BANK1: variants seen among roughly 807,000 people sequenced by gnomAD.
The protein encoded by BANK1 is B-cell scaffold protein with ankyrin repeats.
BANK1 carries 95 observed loss-of-function variants against 94.5 expected under a neutral mutation model. That is an observed-to-expected ratio of 1.00 (90% confidence interval 0.85 to 1.19). BANK1 has a LOEUF of 1.19. BANK1 is among the 50% of genes most tolerant of loss of function. BANK1 has a pLI of 0.00. For missense variants in BANK1, 987 were observed against 932.2 expected (o/e 1.06, Z -0.77); for synonymous variants, 334 against 308.4 (o/e 1.08, Z -0.87).
chr4:101,899,980 C>G, intron 6 of BANK1, among the ~76,000 whole-genome samples: 1 of 152,220 alleles, frequency 6.6e-6, no homozygotes, highest in South Asian at 2.1e-4. Flanking sequence ...CTCCACTTTT[C>G]AATGACCTTT....
chr4:101,921,186 TATC>T (rs1158559611), intron 7 of BANK1, among the ~76,000 whole-genome samples: 2 of 152,016 alleles, frequency 1.3e-5, no homozygotes, highest in African/African-American at 4.8e-5. Context: ...TGGATAATAA[TATC>T]ATATATTTCT....
At chr4:101,906,791 T>C (rs1560626670) in intron 6 of BANK1, among the ~76,000 whole-genome samples, 1 of 152,142 alleles carries the variant, frequency 6.6e-6, no homozygotes, top group African/African-American at 2.4e-5. Flanking sequence ...CAGCTAGTTT[T>C]CTGTTCCAAC....
chr4:101,931,350 A>G (rs1034477069), intron 7 of BANK1, among the ~76,000 whole-genome samples: 5 of 151,554 alleles, frequency 3.3e-5, no homozygotes, highest in Non-Finnish European at 5.9e-5. Flanking sequence ...ATAGAACACA[A>G]CTGGAACCTT....
intron 5 of BANK1, among the ~76,000 whole-genome samples, chr4:101,871,728 C>T (rs1174925748): frequency 6.6e-6 from 1 of 152,018 alleles, no homozygotes; most frequent in African/African-American, 2.4e-5. Flanking sequence ...ACAAGTCCAC[C>T]TTATCCTCTA....
intron 7 of BANK1, among the ~76,000 whole-genome samples, chr4:101,937,087 G>T (rs1440271014): frequency 1.3e-5 from 2 of 151,676 alleles, no homozygotes; most frequent in South Asian, 2.1e-4. Context: ...AAGAAAATGG[G>T]GTATGTGTTC....
intron 7 of BANK1, among the ~76,000 whole-genome samples, chr4:102,008,960 G>C (rs1343896792): frequency 6.6e-6 from 1 of 152,202 alleles, no homozygotes; most frequent in Non-Finnish European, 1.5e-5. Context: ...CATGTTTCCT[G>C]AAGTTCACTT....
intron 14 of BANK1, 102 bp from the exon 15 acceptor site, chr4:102,072,243 C>T: frequency 1.0e-6 from 1 of 985,918 alleles, no homozygotes; most frequent in Non-Finnish European, 1.5e-6. Flanking sequence ...TCTTTTCACC[C>T]ATATCTTACC....
intron 4 of BANK1, among the ~76,000 whole-genome samples, chr4:101,868,251 G>A (rs1381331120): frequency 6.6e-6 from 1 of 151,870 alleles, no homozygotes; most frequent in East Asian, 1.9e-4. Context: ...AAATATTAAT[G>A]ACAGAGATCA....
At chr4:101,906,242 A>C (rs1722444071) in intron 6 of BANK1, among the ~76,000 whole-genome samples, 1 of 152,250 alleles carries the variant, frequency 6.6e-6, no homozygotes, top group South Asian at 2.1e-4. Flanking sequence ...GTCCCATTAC[A>C]AAAGGAGAAC....
chr4:102,073,899 T>C, intron 16 of BANK1, 106 bp from the exon 17 acceptor site: 1 of 582,458 alleles, frequency 1.7e-6, no homozygotes, highest in Non-Finnish European at 2.9e-6. Context: ...CTAAAGGTGA[T>C]TGCTCTGTAG....
At position 101,839,937 on chromosome 4, in the gene BANK1, A is replaced by ATTTTTTTTTTTTTT. The variant is rs70964197; in HGVS notation, c.469+9767_469+9780dup. On this transcript the variant is annotated intron_variant, in intron 2 of 16. Transcript: ENST00000322953. ...GCTACTATATAATTTCAAATATTTAATTTTTTTTTTTTTTTTTTTTTTTTT... is the reference window on the plus strand; with the variant it reads ...GCTACTATATAATTTCAAATATTTAATTTTTTTTTTTTTTTTTTTTTTTTTTTTTTTTTTTTTTT... Among the ~76,000 whole-genome samples the ATTTTTTTTTTTTTT allele has an allele frequency of 2.3e-4, 12 of 53,084 alleles. 3 individuals are homozygous for ATTTTTTTTTTTTTT. Among genetic ancestry groups the ATTTTTTTTTTTTTT allele is most frequent in the African/African-American group, 7.5e-4 (10 of 13,324 alleles). The allele number at this position is 53,084 out of a possible 152,430, so 34.8% of individuals were successfully genotyped here.
At chr4:101,874,919 A>T (rs1728431876) in intron 5 of BANK1, among the ~76,000 whole-genome samples, 1 of 152,178 alleles carries the variant, frequency 6.6e-6, no homozygotes, top group African/African-American at 2.4e-5. Context: ...TACAGTGCTA[A>T]TTGAGTAGAT....
chr4:101,889,604 C>CAAAAAAAA (rs59341810), intron 5 of BANK1, among the ~76,000 whole-genome samples: 1 of 54,922 alleles, frequency 1.8e-5, no homozygotes, highest in African/African-American at 7.0e-5. Flanking sequence ...GACTCCGTCT[C>CAAAAAAAA]AAAAAAAAAA....
intron 1 of BANK1, among the ~76,000 whole-genome samples, chr4:101,818,782 A>AGT (rs2148857956): frequency 6.6e-6 from 1 of 152,150 alleles, no homozygotes; most frequent in East Asian, 1.9e-4. Context: ...AAAAAAGCTT[A>AGT]GTATATATAG....
rs78860983 is a variant in BANK1, at chr4:101,985,254, T to G, written c.1207-36260T>G. Among the ~76,000 whole-genome samples, 1,077 of 152,248 alleles carry G rather than the reference T, an allele frequency of 7.1e-3. 10 individuals are homozygous for G. The highest frequency in any genetic ancestry group is 0.024 in the African/African-American group (1,018 of 41,570). ...AAAGAATACTTTCTTGTTCAGCCTT[T>G]TATTCTATTCAGGTCTCAACAGATT... On this transcript the variant is annotated intron_variant, in intron 7 of 16. Transcript: ENST00000322953.
chr4:102,055,863 T>C (rs1181381808), intron 11 of BANK1, among the ~76,000 whole-genome samples: 1 of 152,092 alleles, frequency 6.6e-6, no homozygotes, highest in Non-Finnish European at 1.5e-5. Flanking sequence ...TTACTTTTCC[T>C]TTAGGGAGAG....
intron 6 of BANK1, among the ~76,000 whole-genome samples, chr4:101,897,168 T>C (rs772276098): frequency 3.9e-5 from 6 of 151,902 alleles, no homozygotes; most frequent in Admixed American, 3.3e-4. Flanking sequence ...AGTCATAACC[T>C]TCATTCAAGC....
chr4:102,055,376 T>G (rs965836956), intron 11 of BANK1, among the ~76,000 whole-genome samples: 11 of 152,002 alleles, frequency 7.2e-5, no homozygotes, highest in Non-Finnish European at 1.5e-4. Flanking sequence ...TTTCTCAACA[T>G]TATCAGAAAT....
intron 7 of BANK1, among the ~76,000 whole-genome samples, chr4:101,985,911 TC>T (rs1429816432): frequency 1.3e-5 from 2 of 152,122 alleles, no homozygotes; most frequent in Non-Finnish European, 2.9e-5. Context: ...TTTGAGAGAA[TC>T]CTTAGTAAGC....
Sources: gnomAD v4.1 joint callset for allele counts (sites outside exome capture counted in the v4.1 genomes callset) on GRCh38, gnomAD v4.1.1 for gene constraint, MANE v1.5 for transcripts, NCBI Gene and HGNC (gene_info 2026-07-23, HGNC 2026-07-21) for gene names.